SHANK2: variants seen among roughly 807,000 people sequenced by gnomAD.
SHANK2 encodes SH3 and multiple ankyrin repeat domains protein 2.
Under a neutral mutation model 133.7 loss-of-function variants are expected in SHANK2, and 43 were observed. That is an observed-to-expected ratio of 0.32 (90% CI 0.25 to 0.41). The LOEUF is 0.41. SHANK2 is among the 10% of genes least tolerant of loss of function. The pLI is 1.00. For missense variants in SHANK2, 1,994 were observed against 2,235.8 expected (o/e 0.89, Z 2.18); for synonymous variants, 1,017 against 952.8 (o/e 1.07, Z -1.24).
chr11:70,950,530 G>A lies in SHANK2; in HGVS notation c.1108-53963C>T, dbSNP rs997858662. ...TGTACAAGGGCACGAATCCCATCAC[G>A]GGGGCTCTACCCTCATGATGTAATC... On this transcript the variant is annotated intron_variant, in intron 10 of 25. Transcript: ENST00000601538. Among the ~76,000 whole-genome samples the A allele has an allele frequency of 3.3e-5, 5 of 152,276 alleles. No individual in the cohort carries two copies. In the East Asian group the frequency reaches 5.8e-4, roughly 18 times the overall value.
At chr11:70,704,548 T>G (rs1476696106) in intron 14 of SHANK2, among the ~76,000 whole-genome samples, 8 of 152,162 alleles carry the variant, frequency 5.3e-5, no homozygotes, top group African/African-American at 1.9e-4. Flanking sequence ...AGGGCCCACT[T>G]AAGGACAGGT....
chr11:70,666,268 G>A (rs1591725730), intron 15 of SHANK2, among the ~76,000 whole-genome samples: 1 of 152,132 alleles, frequency 6.6e-6, no homozygotes, highest in East Asian at 1.9e-4. Flanking sequence ...AACTTTCAAT[G>A]TTTTGGGGAA....
At chr11:70,735,977 C>A (rs1354942532) in intron 14 of SHANK2, among the ~76,000 whole-genome samples, 2 of 151,938 alleles carry the variant, frequency 1.3e-5, no homozygotes. Flanking sequence ...TATGATGTGA[C>A]CTCAGATCCT....
intron 15 of SHANK2, chr11:70,698,208 A>G: frequency 5.0e-6 from 1 of 198,906 alleles, no homozygotes; most frequent in South Asian, 9.7e-5. Context: ...CTGTGCTTAG[A>G]AGATCTGGCT....
At position 71,147,418 on chromosome 11, in the gene SHANK2, G is replaced by A. The variant is rs371636075; in HGVS notation, c.-12-80C>T. 3.7e-4 allele frequency: 442 copies of A among 1,195,868 alleles called. 5 individuals carry two copies. In the South Asian group the frequency reaches 6.5e-3, roughly 18 times the overall value. 74.1% of individuals were successfully genotyped at this position (1,195,868 alleles called of 1,614,324 possible). ...ACCCAGGGGCACGGTGGACACTGGCGCTGGAACACACGTGGGCTCGGTTTC... is the reference window on the plus strand; with the variant it reads ...ACCCAGGGGCACGGTGGACACTGGCACTGGAACACACGTGGGCTCGGTTTC... On this transcript the variant is annotated intron_variant, in intron 2 of 25. Coordinates refer to ENST00000601538, the MANE Select transcript of SHANK2 (RefSeq NM_012309.5).
chr11:70,803,073 C>T (rs1218868834), intron 13 of SHANK2, among the ~76,000 whole-genome samples: 2 of 152,080 alleles, frequency 1.3e-5, no homozygotes, highest in Non-Finnish European at 1.5e-5. Context: ...CAGCCGAATC[C>T]TGAAGGAGGA....
intron 9 of SHANK2, among the ~76,000 whole-genome samples, chr11:71,069,372 TTCA>T (rs1312719919): frequency 1.2e-3 from 179 of 151,522 alleles, no homozygotes; most frequent in Non-Finnish European, 2.0e-3. Context: ...CATCACTGCC[TTCA>T]TCATCAACAC....
intron 2 of SHANK2, among the ~76,000 whole-genome samples, chr11:71,189,014 A>G (rs782524916): frequency 2.2e-4 from 33 of 152,190 alleles, no homozygotes; most frequent in Non-Finnish European, 4.1e-4. Flanking sequence ...GCCAGGTCAC[A>G]GCAACCACAG....
intron 8 of SHANK2, among the ~76,000 whole-genome samples, chr11:71,085,550 CATATTAT>C (rs1951369301): frequency 1.2e-5 from 1 of 80,770 alleles, no homozygotes; most frequent in Admixed American, 2.4e-4. Context: ...AAATATATAA[CATATTAT>C]ATTATATAAA....
chr11:70,620,527 C>A (rs1373842537), intron 17 of SHANK2, among the ~76,000 whole-genome samples: 1 of 152,090 alleles, frequency 6.6e-6, no homozygotes, highest in Non-Finnish European at 1.5e-5. Context: ...TGGTCTCCCC[C>A]ACCCCCACCA....
chr11:70,801,919 G>A (rs1555050623), intron 13 of SHANK2, among the ~76,000 whole-genome samples: 2 of 152,176 alleles, frequency 1.3e-5, no homozygotes. Flanking sequence ...GGAATACGGT[G>A]TGATAGGACT....
chr11:71,086,963 C>T (rs1413538326), intron 8 of SHANK2, among the ~76,000 whole-genome samples: 1 of 152,190 alleles, frequency 6.6e-6, no homozygotes, highest in Non-Finnish European at 1.5e-5. Context: ...CATGAACAGG[C>T]AGCAGACCAC....
At chr11:70,512,680 A>G (rs1428198574) in intron 17 of SHANK2, among the ~76,000 whole-genome samples, 3 of 152,198 alleles carry the variant, frequency 2.0e-5, no homozygotes, top group Non-Finnish European at 2.9e-5. Context: ...ATCTGCACTG[A>G]ACAACCAGGA....
chr11:71,140,521 C>T (rs1555105559), intron 3 of SHANK2, among the ~76,000 whole-genome samples: 1 of 152,230 alleles, frequency 6.6e-6, no homozygotes, highest in African/African-American at 2.4e-5. Context: ...AACACCCTTG[C>T]CCCAGTGCCG....
chr11:71,230,324 G>A (rs956391450), intron 1 of SHANK2, among the ~76,000 whole-genome samples: 1 of 152,018 alleles, frequency 6.6e-6, no homozygotes, highest in Non-Finnish European at 1.5e-5. Flanking sequence ...ACTCACGCCT[G>A]TAATCCCAGC....
chr11:70,881,712 A>G (rs1949663471), intron 11 of SHANK2, among the ~76,000 whole-genome samples: 1 of 142,650 alleles, frequency 7.0e-6, no homozygotes, highest in Admixed American at 7.5e-5. Context: ...TTTTGAGTAT[A>G]CTAGATCCTT....
intron 13 of SHANK2, among the ~76,000 whole-genome samples, chr11:70,800,740 C>T (rs937656352): frequency 5.3e-5 from 8 of 152,174 alleles, no homozygotes; most frequent in Non-Finnish European, 1.0e-4. Context: ...CCCAGCTGGC[C>T]GGGATGTGCC....
At chr11:70,851,821 A>G (rs1180681608) in intron 11 of SHANK2, among the ~76,000 whole-genome samples, 1 of 151,580 alleles carries the variant, frequency 6.6e-6, no homozygotes, top group African/African-American at 2.4e-5. Context: ...CAGTTGGACC[A>G]TGCGTGGAGG....
intron 17 of SHANK2, among the ~76,000 whole-genome samples, chr11:70,658,258 CACACAGACACACACACACACACAG>C (rs1565220474): frequency 8.2e-6 from 1 of 122,086 alleles, no homozygotes; most frequent in African/African-American, 4.5e-5. Context: ...CACACACACA[CACACAGACACACACACACACACAG>C]ACACACACAC....
Sources: allele counts gnomAD v4.1 joint callset (sites outside exome capture counted in the v4.1 genomes callset), GRCh38; gene constraint gnomAD v4.1.1; transcripts MANE v1.5; gene names NCBI Gene and HGNC (gene_info 2026-07-23, HGNC 2026-07-21).